ALDH18A1: variants seen among roughly 807,000 people sequenced by gnomAD.
The protein encoded by ALDH18A1 is aldehyde dehydrogenase 18 family member A1.
ALDH18A1 carries 44 observed loss-of-function variants against 88.8 expected under a neutral mutation model. The ratio of observed to expected loss-of-function variants is 0.50; its 90% confidence interval spans 0.39 to 0.64. The LOEUF (loss-of-function observed/expected upper bound fraction) is 0.64, where lower values mean the gene tolerates loss of function less well. Among genes scored for constraint, ALDH18A1 ranks in the 30% least tolerant of loss-of-function variants. The pLI is 0.00. For synonymous variants in ALDH18A1, 331 were observed against 372.1 expected (o/e 0.89, Z 1.27); for missense variants, 782 against 1,009.5 (o/e 0.77, Z 3.05).
intron 5 of ALDH18A1, 68 bp downstream of exon 5, chr10:95,637,025 C>A: frequency 7.0e-7 from 1 of 1,420,154 alleles, no homozygotes; most frequent in Middle Eastern, 2.2e-4. Context: ...AGTCTGGCTC[C>A]AGACCCCTTT....
chr10:95,648,672 T>C (rs1038002893), intron 2 of ALDH18A1, among the ~76,000 whole-genome samples: 15 of 152,202 alleles, frequency 9.9e-5, no homozygotes, highest in Admixed American at 5.9e-4. Flanking sequence ...CTTCCTGTTC[T>C]GGGGACCCTG....
At chr10:95,621,317 TGTC>T in intron 11 of ALDH18A1, 66 bp from the exon 12 acceptor site, 2 of 1,281,192 alleles carry the variant, frequency 1.6e-6, no homozygotes, top group Non-Finnish European at 2.2e-6. Flanking sequence ...CCAACCGATG[TGTC>T]TTTTTTTTTT....
intron 10 of ALDH18A1, among the ~76,000 whole-genome samples, chr10:95,626,441 C>T (rs1439237856): frequency 6.6e-6 from 1 of 152,128 alleles, no homozygotes; most frequent in Non-Finnish European, 1.5e-5. Context: ...GGTAACCTTT[C>T]TAATCTCATC....
At chr10:95,630,777 G>A (rs1412850908) in intron 7 of ALDH18A1, among the ~76,000 whole-genome samples, 1 of 152,092 alleles carries the variant, frequency 6.6e-6, no homozygotes, top group Non-Finnish European at 1.5e-5. Flanking sequence ...TTTCTCCAGG[G>A]TGGCTCACAC....
At chr10:95,615,150 C>G (rs764054328) in intron 13 of ALDH18A1, among the ~76,000 whole-genome samples, 1 of 151,978 alleles carries the variant, frequency 6.6e-6, no homozygotes, top group Non-Finnish European at 1.5e-5. Context: ...TGGTGAAACC[C>G]TGTCTCTACA....
intron 7 of ALDH18A1, 68 bp from the exon 8 acceptor site, chr10:95,628,560 G>T: frequency 6.4e-7 from 1 of 1,574,530 alleles, no homozygotes; most frequent in East Asian, 2.3e-5. Flanking sequence ...CCTCCCCAGG[G>T]CACCTGCCAA....
chr10:95,626,661 C>T, intron 10 of ALDH18A1, 42 bp downstream of exon 10: 1 of 1,594,066 alleles, frequency 6.3e-7, no homozygotes. Flanking sequence ...CAGCATGACT[C>T]ACTCTGAAAA....
intron 7 of ALDH18A1, among the ~76,000 whole-genome samples, chr10:95,631,061 CCTT>C (rs2097868353): frequency 1.3e-5 from 2 of 152,114 alleles, no homozygotes; most frequent in East Asian, 1.9e-4. Flanking sequence ...GGTTTTCTAA[CCTT>C]CTGGGAGTGT....
At chr10:95,641,107 C>T (rs1446800596) in intron 3 of ALDH18A1, among the ~76,000 whole-genome samples, 2 of 97,094 alleles carry the variant, frequency 2.1e-5, no homozygotes, top group Admixed American at 2.3e-4. Context: ...ACTGCAGGGG[C>T]ACCTCACACT....
At chr10:95,634,947 C>CAAAGTGAGG (rs2097877840) in intron 5 of ALDH18A1, among the ~76,000 whole-genome samples, 2 of 151,910 alleles carry the variant, frequency 1.3e-5, no homozygotes, top group Non-Finnish European at 2.9e-5. Flanking sequence ...CTGAAACAGT[C>CAAAGTGAGG]AAAGTGAGGA....
At chr10:95,647,046 C>T (rs1475534113) in intron 2 of ALDH18A1, among the ~76,000 whole-genome samples, 1 of 152,158 alleles carries the variant, frequency 6.6e-6, no homozygotes, top group African/African-American at 2.4e-5. Context: ...TCTCATTTTG[C>T]CTTTCTTTTC....
chr10:95,651,725 A>T (rs2139665219), intron 2 of ALDH18A1, among the ~76,000 whole-genome samples: 1 of 152,246 alleles, frequency 6.6e-6, no homozygotes, highest in Admixed American at 6.5e-5. Context: ...GGCATGAGGG[A>T]TTCACCCCCA....
intron 3 of ALDH18A1, among the ~76,000 whole-genome samples, chr10:95,637,690 T>C (rs536132120): frequency 5.6e-4 from 86 of 152,262 alleles, no homozygotes; most frequent in African/African-American, 1.9e-3. Flanking sequence ...AACAATTGGC[T>C]GGGCATGGTG....
At position 95,653,369 on chromosome 10, in the gene ALDH18A1, A is replaced by C; in HGVS notation, c.9T>G (p.Ser3Arg). The C allele has an allele frequency of 6.2e-7, 1 of 1,613,430 alleles. No homozygotes were observed. Among genetic ancestry groups the C allele is most frequent in the Middle Eastern group, 1.6e-4 (1 of 6,062 alleles). Reference sequence around the variant, plus strand: ...GCTGGAACCCACAGCGGTAAACTTGACTCAACATGCTGCGATGTGGTCACT... The same window carrying C: ...GCTGGAACCCACAGCGGTAAACTTGCCTCAACATGCTGCGATGTGGTCACT... ML[S>R]QVYRCGFQPF... Residue 3 changes from serine (S) to arginine (R), a missense_variant, in exon 2 of 18, where the codon AGT becomes AGG. Physicochemically the swap from Ser to Arg is moderately radical, Grantham distance 110. Coordinates refer to ENST00000371224, the MANE Select transcript of ALDH18A1 (RefSeq NM_002860.4).
In ALDH18A1 at chr10:95,605,990, T is replaced by C. The variant is rs905052314; in HGVS notation, c.*772A>G. 1 of 153,148 alleles carries C rather than the reference T, an allele frequency of 6.5e-6. No homozygotes were observed. The highest frequency in any genetic ancestry group is 1.9e-4 in the East Asian group (1 of 5,190). 9.5% of individuals were successfully genotyped at this position (153,148 alleles called of 1,614,324 possible). A position where few individuals can be genotyped will look rare whatever the true frequency, so the allele number is the denominator to read the frequency against. On this transcript the variant is annotated 3_prime_UTR_variant, in exon 18 of 18. Transcript: ENST00000371224. ...AAAAAAGGGGGAAGAATCCAAAGTA[T>C]TAAAATAATCCTCTAATTTTTGTTT...
At chr10:95,627,283 T>C (rs540486169) in intron 9 of ALDH18A1, among the ~76,000 whole-genome samples, 159 bp downstream of exon 9, 20 of 152,162 alleles carry the variant, frequency 1.3e-4, no homozygotes, top group Non-Finnish European at 2.2e-4. Context: ...GCAGGTTAGA[T>C]AGAATTTCAC....
intron 2 of ALDH18A1, among the ~76,000 whole-genome samples, chr10:95,651,793 G>A (rs577376393): frequency 1.3e-5 from 2 of 152,296 alleles, no homozygotes; most frequent in Admixed American, 1.3e-4. Flanking sequence ...AATTCAATAT[G>A]AGATTTGGTA....
At position 95,606,795 on chromosome 10, in the gene ALDH18A1, CTCAT is replaced by C; in HGVS notation, c.2351_2354del (p.His784ArgfsTer84). The C allele has an allele frequency of 6.2e-7, 1 of 1,614,138 alleles. No homozygotes were observed. The highest frequency in any genetic ancestry group is 8.5e-7 in the Non-Finnish European group (1 of 1,180,020). On this transcript the variant is annotated frameshift_variant, in exon 18 of 18. Coordinates refer to ENST00000371224, the MANE Select transcript of ALDH18A1 (RefSeq NM_002860.4). LOFTEE classifies it high-confidence loss of function. ...TGTTTCTCTGAGGAATAGGGAGGTT[CTCAT>C]GAAGATATTTTAAACTTCCATGCTC...
At chr10:95,640,421 A>T (rs2097889294) in intron 3 of ALDH18A1, among the ~76,000 whole-genome samples, 1 of 151,302 alleles carries the variant, frequency 6.6e-6, no homozygotes. Context: ...GTCTCACTGC[A>T]ACCTCCACCT....
Sources: gnomAD v4.1 joint callset for allele counts (sites outside exome capture counted in the v4.1 genomes callset) on GRCh38, gnomAD v4.1.1 for gene constraint, MANE v1.5 for transcripts, NCBI Gene and HGNC (gene_info 2026-07-23, HGNC 2026-07-21) for gene names.